DSCAM: variants seen among roughly 807,000 people sequenced by gnomAD.
DSCAM encodes cell adhesion molecule DSCAM.
A neutral mutation model predicts 217.7 loss-of-function variants in DSCAM; 47 were observed. The ratio of observed to expected loss-of-function variants is 0.22; its 90% confidence interval spans 0.17 to 0.28. The LOEUF (loss-of-function observed/expected upper bound fraction) is 0.28, where lower values mean the gene tolerates loss of function less well. DSCAM is among the 10% of genes least tolerant of loss of function. DSCAM has a pLI of 1.00. For missense variants in DSCAM, 2,080 were observed against 2,618.3 expected (o/e 0.79, Z 4.49); for synonymous variants, 1,056 against 1,015.3 (o/e 1.04, Z -0.76).
rs562685513 is a variant in DSCAM at position 40,148,015 on chromosome 21, G to C, written c.3019-3284C>G. On this transcript the variant is annotated intron_variant, in intron 16 of 32. Transcript: ENST00000400454. ...CCATGTTTCAATTGGCTGTTAATGA[G>C]ATAGGGCTTTTTTGATTATTATTCT... Among the ~76,000 whole-genome samples, 41 of 152,128 alleles carry C rather than the reference G, an allele frequency of 2.7e-4. 1 individual carries two copies. The highest frequency in any genetic ancestry group is 1.5e-5 in the Non-Finnish European group (1 of 68,014).
chr21:40,518,223 CA>C (rs901583252), intron 3 of DSCAM, among the ~76,000 whole-genome samples: 1 of 144,042 alleles, frequency 6.9e-6, no homozygotes, highest in African/African-American at 2.6e-5. Flanking sequence ...TGACCATTTG[CA>C]AGAGACCCTG....
chr21:40,475,966 C>T (rs1179167372), intron 3 of DSCAM, among the ~76,000 whole-genome samples: 4 of 152,206 alleles, frequency 2.6e-5, no homozygotes, highest in African/African-American at 7.2e-5. Context: ...AACTATCTGT[C>T]AGGTTATCCA....
chr21:40,431,851 A>G (rs1363343129), intron 3 of DSCAM, among the ~76,000 whole-genome samples: 1 of 152,170 alleles, frequency 6.6e-6, no homozygotes, highest in Non-Finnish European at 1.5e-5. Context: ...TGGCTATTGT[A>G]ATGGATTGCC....
intron 11 of DSCAM, among the ~76,000 whole-genome samples, chr21:40,211,197 A>G (rs2091180380): frequency 6.6e-6 from 1 of 152,162 alleles, no homozygotes; most frequent in African/African-American, 2.4e-5. Context: ...TCAACAGTTC[A>G]TTTCTTTTGA....
chr21:40,652,343 ACAAC>A (rs1433782287), intron 3 of DSCAM, among the ~76,000 whole-genome samples: 82 of 33,794 alleles, frequency 2.4e-3, no homozygotes, highest in African/African-American at 0.014. Context: ...AACAACAACA[ACAAC>A]AAAAAAAAAA....
At chr21:40,079,019 G>A (rs1261644152) in intron 25 of DSCAM, 42 bp from the exon 26 acceptor site, 1 of 1,590,944 alleles carries the variant, frequency 6.3e-7, no homozygotes, top group African/African-American at 1.3e-5. Context: ...CAGGACACAT[G>A]GGGAGGCCAT....
chr21:40,155,699 G>A (rs2090468529), intron 16 of DSCAM, among the ~76,000 whole-genome samples: 1 of 152,088 alleles, frequency 6.6e-6, no homozygotes. Flanking sequence ...GCCAGGGGAG[G>A]GCCAATCATG....
rs1307793712 is a variant in DSCAM at position 40,280,186 on chromosome 21, T to TTTG, written c.2183-3917_2183-3916insCAA. Among the ~76,000 whole-genome samples, 6 of 149,328 alleles carry TTTG rather than the reference T, an allele frequency of 4.0e-5. No homozygotes were observed. The East Asian group carries it at 1.2e-3, about 29-fold the overall frequency. On this transcript the variant is annotated intron_variant, in intron 10 of 32. Transcript: ENST00000400454. ...TTCACAGCAGATTTTGGTGCCTTTT[T>TTTG]TTTTTTTTTTTTTGAGACAGGGTCT...
chr21:40,077,889 C>A (rs943602534), intron 26 of DSCAM, among the ~76,000 whole-genome samples: 2 of 152,198 alleles, frequency 1.3e-5, no homozygotes, highest in African/African-American at 4.8e-5. Flanking sequence ...GCAATTAGAG[C>A]ACCTAACTCA....
chr21:40,188,968 C>A, intron 12 of DSCAM, 74 bp downstream of exon 12: 1 of 1,474,446 alleles, frequency 6.8e-7, no homozygotes, highest in Non-Finnish European at 9.4e-7. Context: ...TTATCTGCAC[C>A]CGCTTCTGTG....
At chr21:40,790,906 G>A (rs554414563) in intron 1 of DSCAM, among the ~76,000 whole-genome samples, 1 of 152,164 alleles carries the variant, frequency 6.6e-6, no homozygotes, top group Non-Finnish European at 1.5e-5. Flanking sequence ...GCCAGGTGCA[G>A]TGGCTCATGC....
At chr21:40,124,635 T>G (rs909146330) in intron 19 of DSCAM, among the ~76,000 whole-genome samples, 4 of 151,906 alleles carry the variant, frequency 2.6e-5, no homozygotes, top group African/African-American at 9.7e-5. Context: ...GAGACAGACA[T>G]GTATAGAGGG....
chr21:40,451,875 C>T (rs62225469), intron 3 of DSCAM, among the ~76,000 whole-genome samples: 32,304 of 151,888 alleles, frequency 0.21, 4,333 homozygotes, highest in African/African-American at 0.37. Context: ...TTTTCACTGA[C>T]GCAAAAATTC....
intron 11 of DSCAM, among the ~76,000 whole-genome samples, chr21:40,237,705 C>T (rs1427856812): frequency 6.6e-6 from 1 of 152,126 alleles, no homozygotes; most frequent in Non-Finnish European, 1.5e-5. Context: ...AGTAGAATAA[C>T]TTATAATCCT....
chr21:40,052,062 G>C lies in DSCAM; in HGVS notation c.5081C>G (p.Ala1694Gly). 6.2e-7 allele frequency: 1 copy of C among 1,614,080 alleles called. No individual in the cohort carries two copies. Among genetic ancestry groups the C allele is most frequent in the Non-Finnish European group, 8.5e-7 (1 of 1,180,004 alleles). Residue 1694 changes from alanine to glycine, a missense_variant, in exon 30 of 33, where the codon GCA becomes GGA. Ala to Gly is a moderately conservative substitution (Grantham distance 60). Transcript: ENST00000400454. ...GACCGTCAGGGACTTCTGCTTAGCTGCCTCTCCAAAGTCAGCATCCGTCAA... is the reference window on the plus strand; with the variant it reads ...GACCGTCAGGGACTTCTGCTTAGCTCCCTCTCCAAAGTCAGCATCCGTCAA... The part of the protein sequence containing the change: ...VLLTDADFGE[A>G]AKQKSLTVTH...
At chr21:40,290,157 ACAAT>A (rs1340874127) in intron 10 of DSCAM, among the ~76,000 whole-genome samples, 2 of 152,228 alleles carry the variant, frequency 1.3e-5, no homozygotes, top group African/African-American at 2.4e-5. Flanking sequence ...CTATGGAACC[ACAAT>A]CAGAGACCCT....
intron 3 of DSCAM, among the ~76,000 whole-genome samples, chr21:40,691,025 C>A (rs1387458387): frequency 1.3e-5 from 2 of 152,104 alleles, no homozygotes; most frequent in African/African-American, 2.4e-5. Flanking sequence ...GTACAACAAA[C>A]CCCCATGACA....
intron 20 of DSCAM, among the ~76,000 whole-genome samples, chr21:40,114,864 A>C: frequency 6.6e-6 from 1 of 152,228 alleles, no homozygotes; most frequent in Non-Finnish European, 1.5e-5. Context: ...CCACAATGAG[A>C]TACCATCTCA....
intron 3 of DSCAM, among the ~76,000 whole-genome samples, chr21:40,535,669 G>A (rs2076489954): frequency 6.6e-6 from 1 of 152,190 alleles, no homozygotes; most frequent in Admixed American, 6.5e-5. Context: ...GGATGGATAA[G>A]AGCCAATCCT....
Sources: gnomAD v4.1 joint callset for allele counts (sites outside exome capture counted in the v4.1 genomes callset) on GRCh38, gnomAD v4.1.1 for gene constraint, MANE v1.5 for transcripts, NCBI Gene and HGNC (gene_info 2026-07-23, HGNC 2026-07-21) for gene names.